PCDH9: variants seen among roughly 807,000 people sequenced by gnomAD.
The protein encoded by PCDH9 is protocadherin-9.
Under a neutral mutation model 70.6 loss-of-function variants are expected in PCDH9, and 24 were observed. The observed-to-expected ratio is 0.34, with a 90% CI of 0.25 to 0.48. PCDH9 has a LOEUF of 0.48. Ranked by LOEUF, PCDH9 falls within the 20% of genes least tolerant of loss-of-function variation. PCDH9 has a pLI of 0.99. For synonymous variants in PCDH9, 562 were observed against 558.5 expected (o/e 1.01, Z -0.09); for missense variants, 1,281 against 1,503.6 (o/e 0.85, Z 2.45).
At chr13:66,712,439 A>T (rs1450859349) in intron 3 of PCDH9, among the ~76,000 whole-genome samples, 3 of 152,188 alleles carry the variant, frequency 2.0e-5, no homozygotes, top group African/African-American at 7.2e-5. Context: ...TTTCCATAAA[A>T]TAACTTATAT....
At chr13:66,587,427 G>A (rs760210614) in intron 4 of PCDH9, among the ~76,000 whole-genome samples, 4 of 152,058 alleles carry the variant, frequency 2.6e-5, no homozygotes, top group Non-Finnish European at 4.4e-5. Context: ...ATCTTCATTA[G>A]CTACCATCTT....
At chr13:66,848,867 G>A (rs2081259854) in intron 3 of PCDH9, among the ~76,000 whole-genome samples, 4 of 145,798 alleles carry the variant, frequency 2.7e-5, no homozygotes, top group Admixed American at 2.1e-4. Flanking sequence ...GGCGGAGCTT[G>A]CAGTGAGCCG....
chr13:66,557,891 C>G (rs987489132), intron 4 of PCDH9, among the ~76,000 whole-genome samples: 1 of 152,150 alleles, frequency 6.6e-6, no homozygotes, highest in Non-Finnish European at 1.5e-5. Flanking sequence ...GTGGCTCATG[C>G]CTGTAATCCC....
intron 4 of PCDH9, among the ~76,000 whole-genome samples, chr13:66,331,782 T>C (rs1361053509): frequency 6.6e-6 from 1 of 152,172 alleles, no homozygotes; most frequent in Admixed American, 6.6e-5. Context: ...TTGCTCTGTC[T>C]CAGAACTTAG....
chr13:66,321,576 C>T (rs895008726), intron 4 of PCDH9, among the ~76,000 whole-genome samples: 1 of 151,730 alleles, frequency 6.6e-6, no homozygotes, highest in Non-Finnish European at 1.5e-5. Flanking sequence ...CTTTTGAATC[C>T]CTAAGATGGT....
At chr13:67,067,247 G>A (rs2085665871) in intron 2 of PCDH9, among the ~76,000 whole-genome samples, 1 of 152,092 alleles carries the variant, frequency 6.6e-6, no homozygotes, top group Non-Finnish European at 1.5e-5. Flanking sequence ...GAATCACTCA[G>A]TAAGAAGTAT....
intron 2 of PCDH9, among the ~76,000 whole-genome samples, chr13:66,947,277 C>A (rs181555319): frequency 1.3e-5 from 2 of 152,188 alleles, no homozygotes; most frequent in East Asian, 3.9e-4. Context: ...TGTTATCTAA[C>A]TAAAAATAGC....
At chr13:66,307,229 C>T (rs1308877315) in intron 4 of PCDH9, among the ~76,000 whole-genome samples, 1 of 151,632 alleles carries the variant, frequency 6.6e-6, no homozygotes, top group Non-Finnish European at 1.5e-5. Context: ...TTTTAATTTC[C>T]TCCCAACTAG....
chr13:66,366,222 T>C (rs1220922910), intron 4 of PCDH9, among the ~76,000 whole-genome samples: 3 of 152,024 alleles, frequency 2.0e-5, no homozygotes, highest in Non-Finnish European at 4.4e-5. Flanking sequence ...AAAATCTTTT[T>C]CTCACCCCAA....
At chr13:66,899,577 C>A (rs1210470904) in intron 3 of PCDH9, among the ~76,000 whole-genome samples, 1 of 151,924 alleles carries the variant, frequency 6.6e-6, no homozygotes, top group Non-Finnish European at 1.5e-5. Context: ...GTGTGAATTC[C>A]AATAACTATG....
chr13:66,445,663 A>G (rs1179351560), intron 4 of PCDH9, among the ~76,000 whole-genome samples: 12 of 145,032 alleles, frequency 8.3e-5, no homozygotes, highest in Non-Finnish European at 1.8e-4. Context: ...ATACAGATAT[A>G]TATTATGTAT....
chr13:66,332,995 T>C (rs942947022), intron 4 of PCDH9, among the ~76,000 whole-genome samples: 1 of 152,060 alleles, frequency 6.6e-6, no homozygotes, highest in Non-Finnish European at 1.5e-5. Context: ...CTCTCTTACA[T>C]TGATGCTGAC....
intron 2 of PCDH9, among the ~76,000 whole-genome samples, chr13:67,138,186 G>A (rs2087282174): frequency 6.6e-6 from 1 of 151,972 alleles, no homozygotes; most frequent in Admixed American, 6.6e-5. Context: ...CTGTCTCATT[G>A]ATCCTCAATG....
intron 3 of PCDH9, among the ~76,000 whole-genome samples, chr13:66,854,510 C>T (rs1027379339): frequency 6.6e-6 from 1 of 152,062 alleles, no homozygotes; most frequent in Non-Finnish European, 1.5e-5. Context: ...ATGTAGAGCT[C>T]TGAAAAATTT....
At chr13:66,873,940 C>CTTTTTTTTTTTTTTTTTTTTTT (rs528441546) in intron 3 of PCDH9, among the ~76,000 whole-genome samples, 2 of 111,130 alleles carry the variant, frequency 1.8e-5, no homozygotes, top group African/African-American at 3.3e-5. Context: ...TTCTTTCTTT[C>CTTTTTTTTTTTTTTTTTTTTTT]TTTTTTTTTT....
chr13:66,738,193 C>T (rs568915691), intron 3 of PCDH9, among the ~76,000 whole-genome samples: 25 of 152,046 alleles, frequency 1.6e-4, no homozygotes, highest in South Asian at 1.0e-3. Context: ...CCCTGACCCC[C>T]GAGCAGCCTA....
At chr13:66,628,751 TAA>T (rs1163387280) in intron 4 of PCDH9, among the ~76,000 whole-genome samples, 4 of 152,250 alleles carry the variant, frequency 2.6e-5, no homozygotes, top group Non-Finnish European at 5.9e-5. Context: ...TTATTTCTTA[TAA>T]GAGTCAACAA....
At chr13:66,690,662 A>C (rs2078470455) in intron 3 of PCDH9, among the ~76,000 whole-genome samples, 1 of 152,212 alleles carries the variant, frequency 6.6e-6, no homozygotes, top group African/African-American at 2.4e-5. Flanking sequence ...CACCAAAGGA[A>C]ATCATCATTT....
chr13:66,370,433 A>G (rs1226229922), intron 4 of PCDH9, among the ~76,000 whole-genome samples: 1 of 151,500 alleles, frequency 6.6e-6, no homozygotes, highest in Non-Finnish European at 1.5e-5. Flanking sequence ...CCTCATTACA[A>G]TAAATTGGAC....
Sources: allele counts gnomAD v4.1 joint callset (sites outside exome capture counted in the v4.1 genomes callset), GRCh38; gene constraint gnomAD v4.1.1; transcripts MANE v1.5; gene names NCBI Gene and HGNC (gene_info 2026-07-23, HGNC 2026-07-21).